The following LYN variants were observed in gnomAD, a reference collection of about 807,000 sequenced individuals.
LYN encodes tyrosine-protein kinase Lyn.
LYN carries 12 observed loss-of-function variants against 65.0 expected under a neutral mutation model. The observed-to-expected ratio is 0.18, with a 90% CI of 0.12 to 0.30. The LOEUF (loss-of-function observed/expected upper bound fraction) is 0.30, where lower values mean the gene tolerates loss of function less well. Ranked by LOEUF, LYN falls within the 10% of genes least tolerant of loss-of-function variation. LYN has a pLI of 1.00. For missense variants in LYN, 380 were observed against 623.2 expected (o/e 0.61, Z 4.16); for synonymous variants, 222 against 221.2 (o/e 1.00, Z -0.03).
intron 1 of LYN, among the ~76,000 whole-genome samples, chr8:55,922,921 G>T (rs1193004089): frequency 1.3e-5 from 2 of 152,130 alleles, no homozygotes. Flanking sequence ...ATTAGGTAGG[G>T]TTTAGTAGAG....
At chr8:55,889,129 C>T (rs1255567569) in intron 1 of LYN, among the ~76,000 whole-genome samples, 1 of 151,900 alleles carries the variant, frequency 6.6e-6, no homozygotes, top group African/African-American at 2.4e-5. Context: ...GCCATCCTCT[C>T]ACCTCAGTAC....
intron 1 of LYN, among the ~76,000 whole-genome samples, chr8:55,881,643 G>A (rs1804656057): frequency 6.6e-6 from 1 of 152,186 alleles, no homozygotes. Flanking sequence ...CAGATGTAAG[G>A]GGAGAGAAAG....
At chr8:55,983,785 T>C (rs569888108) in intron 10 of LYN, among the ~76,000 whole-genome samples, 14 of 152,224 alleles carry the variant, frequency 9.2e-5, no homozygotes, top group Non-Finnish European at 1.5e-4. Flanking sequence ...AACCTTGCAA[T>C]GTCCCAGAAC....
At chr8:55,925,616 G>A (rs534654238) in intron 1 of LYN, among the ~76,000 whole-genome samples, 2 of 152,106 alleles carry the variant, frequency 1.3e-5, no homozygotes, top group Non-Finnish European at 2.9e-5. Context: ...GCCATGCGGG[G>A]ATGGGCGTTA....
At chr8:55,967,408 G>A (rs940002428) in intron 9 of LYN, among the ~76,000 whole-genome samples, 14 of 146,324 alleles carry the variant, frequency 9.6e-5, no homozygotes, top group African/African-American at 3.0e-4. Flanking sequence ...CCTGCCTCCC[G>A]GGTTCAAGCG....
intron 1 of LYN, among the ~76,000 whole-genome samples, chr8:55,915,284 A>G (rs1805751596): frequency 6.6e-6 from 1 of 152,224 alleles, no homozygotes; most frequent in South Asian, 2.1e-4. Flanking sequence ...TCCAGATACC[A>G]TTAAGCCTCT....
At chr8:55,988,328 G>A (rs1220389727) in intron 10 of LYN, among the ~76,000 whole-genome samples, 1 of 150,526 alleles carries the variant, frequency 6.6e-6, no homozygotes, top group East Asian at 2.0e-4. Context: ...GTGTGTGTGT[G>A]TTTACATCCT....
rs1169541610 is a variant in LYN, at chr8:55,983,807, A to G, written c.1050+14014A>G. 2.0e-5 allele frequency among the ~76,000 whole-genome samples: 3 copies of G among 152,106 alleles called. No individual in the cohort carries two copies. The South Asian group carries it at 6.2e-4, about 32-fold the overall frequency. On this transcript the variant is annotated intron_variant, in intron 10 of 12. Transcript: ENST00000519728. Reference sequence around the variant, plus strand: ...CAATGTCCCAGAACTCACTCTTTCAACCTATTTTTTCTCCACACTAAGTCT... The same window carrying G: ...CAATGTCCCAGAACTCACTCTTTCAGCCTATTTTTTCTCCACACTAAGTCT...
chr8:55,993,309 G>A (rs1304123631), intron 10 of LYN, among the ~76,000 whole-genome samples: 1 of 152,214 alleles, frequency 6.6e-6, no homozygotes, highest in African/African-American at 2.4e-5. Flanking sequence ...GGGAGAGCTT[G>A]TGATTCCCTT....
At chr8:55,897,502 C>T (rs1178153353) in intron 1 of LYN, among the ~76,000 whole-genome samples, 1 of 152,136 alleles carries the variant, frequency 6.6e-6, no homozygotes, top group Admixed American at 6.5e-5. Context: ...TCAAATTTGC[C>T]TTTTCTACCT....
At chr8:55,942,458 TAC>T (rs1246218758) in intron 2 of LYN, among the ~76,000 whole-genome samples, 1 of 147,298 alleles carries the variant, frequency 6.8e-6, no homozygotes, top group South Asian at 2.1e-4. Flanking sequence ...TATATATATA[TAC>T]ACACATACAT....
At chr8:55,925,641 A>G (rs563454872) in intron 1 of LYN, among the ~76,000 whole-genome samples, 4 of 152,102 alleles carry the variant, frequency 2.6e-5, no homozygotes, top group African/African-American at 7.2e-5. Context: ...TACCTTTTTC[A>G]TGGGTGAGGA....
intron 8 of LYN, chr8:55,955,257 C>G (rs1352080478): frequency 6.6e-6 from 1 of 152,212 alleles, no homozygotes; most frequent in East Asian, 1.9e-4. Context: ...ACGGCACATA[C>G]TGAGCCAGCC....
intron 1 of LYN, among the ~76,000 whole-genome samples, chr8:55,909,056 A>C (rs1360111327): frequency 2.0e-5 from 2 of 100,018 alleles, no homozygotes; most frequent in Admixed American, 1.1e-4. Context: ...CACACACCCC[A>C]CATTTTCTTT....
chr8:55,951,331 C>G (rs1190415019), intron 6 of LYN, among the ~76,000 whole-genome samples: 2 of 151,812 alleles, frequency 1.3e-5, no homozygotes, highest in Non-Finnish European at 2.9e-5. Context: ...GTTTGCTGAG[C>G]CTTTTGCATT....
rs113473857 is a variant in LYN at position 55,882,831 on chromosome 8, C to T, written c.-6+2728C>T. Among the ~76,000 whole-genome samples the T allele has an allele frequency of 4.4e-3, 675 of 152,254 alleles. 4 individuals carry two copies. The highest frequency in any genetic ancestry group is 0.015 in the African/African-American group (626 of 41,534). On this transcript the variant is annotated intron_variant, in intron 1 of 12. Transcript: ENST00000519728. ...GTCTAAGGTCACAGGCTTGGTTAAG[C>T]GGTACCATTAGGAGTAGTAGGTATG...
At chr8:55,908,989 G>GTGTATT (rs1379592685) in intron 1 of LYN, among the ~76,000 whole-genome samples, 1 of 20,398 alleles carries the variant, frequency 4.9e-5, no homozygotes, top group Non-Finnish European at 8.5e-5. Context: ...CATTGTGTAT[G>GTGTATT]TATATATATA....
At chr8:55,963,359 C>G (rs1262478387) in intron 8 of LYN, among the ~76,000 whole-genome samples, 1 of 152,222 alleles carries the variant, frequency 6.6e-6, no homozygotes, top group East Asian at 1.9e-4. Flanking sequence ...CGTCCCCTTT[C>G]CTGACTAGCA....
chr8:55,992,005 G>A (rs1352367947), intron 10 of LYN, among the ~76,000 whole-genome samples: 3 of 152,136 alleles, frequency 2.0e-5, no homozygotes, highest in Non-Finnish European at 2.9e-5. Context: ...CTCATTTTTG[G>A]TAATAGGGAT....
Sources: gnomAD v4.1 joint callset for allele counts (sites outside exome capture counted in the v4.1 genomes callset) on GRCh38, gnomAD v4.1.1 for gene constraint, MANE v1.5 for transcripts, NCBI Gene and HGNC (gene_info 2026-07-23, HGNC 2026-07-21) for gene names.